The following GUCY1B1 variants were observed in gnomAD, a reference collection of about 807,000 sequenced individuals.
GUCY1B1 encodes guanylate cyclase 1 soluble subunit beta 1.
Under a neutral mutation model 71.0 loss-of-function variants are expected in GUCY1B1, and 43 were observed. The ratio of observed to expected loss-of-function variants is 0.61; its 90% CI spans 0.47 to 0.78. The LOEUF (loss-of-function observed/expected upper bound fraction) is 0.78, where lower values mean the gene tolerates loss of function less well. Ranked by LOEUF, GUCY1B1 falls within the 30% of genes least tolerant of loss-of-function variation. GUCY1B1 has a pLI of 0.00. For missense variants in GUCY1B1, 535 were observed against 754.1 expected (o/e 0.71, Z 3.40); for synonymous variants, 266 against 259.7 (o/e 1.02, Z -0.23).
chr4:155,779,383 C>T (rs114703730), intron 4 of GUCY1B1, among the ~76,000 whole-genome samples: 1,831 of 152,090 alleles, frequency 0.012, 35 homozygotes, highest in African/African-American at 0.041. Flanking sequence ...AAAGACAGTA[C>T]AAAAAGAATA....
rs776167443 is a variant in GUCY1B1 at position 155,803,644 on chromosome 4, G to A, written c.1434G>A (p.Lys478=). Residue 478 remains lysine (K), a synonymous_variant, in exon 11 of 14, where the codon AAG becomes AAA. Coordinates refer to ENST00000264424, the MANE Select transcript of GUCY1B1 (RefSeq NM_000857.5). ...GTTAGGTGGAGACTGTTGGTGACAA[G>A]TATATGACAGTGAGTGGTTTACCAG... ...FVYKVETVGD[K]YMTVSGLPEP... The A allele has an allele frequency of 6.2e-7, 1 of 1,602,536 alleles. No individual in the cohort carries two copies. The highest frequency in any genetic ancestry group is 2.3e-5 in the East Asian group (1 of 44,192).
chr4:155,795,607 AT>A, intron 7 of GUCY1B1, 150 bp downstream of exon 7: 1 of 531,490 alleles, frequency 1.9e-6, no homozygotes. Context: ...AATAACATTG[AT>A]TTTTGGTTTG....
At chr4:155,776,467 C>T (rs139048598) in intron 3 of GUCY1B1, among the ~76,000 whole-genome samples, 1,754 of 152,160 alleles carry the variant, frequency 0.012, 37 homozygotes, top group Admixed American at 0.038. Context: ...GCCAAGAGTT[C>T]GAGACCATCC....
Position 155,791,863 on chromosome 4 carries a change from A to G in GUCY1B1, c.495+1952A>G, listed in dbSNP as rs188802177. ...GTTTTATTTTTATTTAACCAGACTGAGAAAGAGGTAGGTTCGTAGAAACTT... is the reference window on the plus strand; with the variant it reads ...GTTTTATTTTTATTTAACCAGACTGGGAAAGAGGTAGGTTCGTAGAAACTT... On this transcript the variant is annotated intron_variant, in intron 5 of 13. Transcript: ENST00000264424. Among the ~76,000 whole-genome samples the G allele has an allele frequency of 4.0e-4, 61 of 152,190 alleles. 2 individuals are homozygous for G. In the East Asian group the frequency reaches 0.01, roughly 25 times the overall value.
intron 2 of GUCY1B1, among the ~76,000 whole-genome samples, chr4:155,770,822 A>G (rs1197805850): frequency 6.6e-6 from 1 of 152,102 alleles, no homozygotes; most frequent in Non-Finnish European, 1.5e-5. Flanking sequence ...TATTATCCTC[A>G]TATGTATACT....
chr4:155,782,599 C>A (rs1315403582), intron 4 of GUCY1B1, among the ~76,000 whole-genome samples: 2 of 152,202 alleles, frequency 1.3e-5, no homozygotes, highest in African/African-American at 4.8e-5. Context: ...ACAGTCTCTC[C>A]CATCTCACAT....
At chr4:155,767,219 T>G (rs994216911) in intron 2 of GUCY1B1, among the ~76,000 whole-genome samples, 3 of 152,238 alleles carry the variant, frequency 2.0e-5, no homozygotes, top group African/African-American at 4.8e-5. Context: ...GTATTAGTAC[T>G]GCCTGCTGCT....
intron 1 of GUCY1B1, 61 bp downstream of exon 1, chr4:155,759,204 A>G: frequency 1.3e-6 from 2 of 1,508,582 alleles, no homozygotes; most frequent in Admixed American, 2.0e-5. Flanking sequence ...CCTGGCAGCG[A>G]GGGAACTGGC....
rs1322980524 is a variant in GUCY1B1, at chr4:155,807,319, G to T, written c.*910G>T. ...CCCAGAAATGAGCTCCCTTTCCTTA[G>T]CTTAGAAGAATGTGATTATATCCAG... On this transcript the variant is annotated 3_prime_UTR_variant, in exon 14 of 14. Coordinates refer to ENST00000264424, the MANE Select transcript of GUCY1B1 (RefSeq NM_000857.5). 6.6e-6 allele frequency: 1 copy of T among 152,112 alleles called. No individual in the cohort carries two copies. Among genetic ancestry groups the T allele is most frequent in the Non-Finnish European group, 1.5e-5 (1 of 67,998 alleles). The allele number at this position is 152,112 out of a possible 1,614,324, so 9.4% of individuals were successfully genotyped here.
intron 8 of GUCY1B1, among the ~76,000 whole-genome samples, chr4:155,798,568 T>C (rs1210110806): frequency 1.3e-5 from 2 of 152,188 alleles, no homozygotes; most frequent in Admixed American, 6.5e-5. Flanking sequence ...TTTATAGGTA[T>C]GCTAATTTTT....
chr4:155,773,977 G>A (rs899002126), intron 2 of GUCY1B1, among the ~76,000 whole-genome samples: 3 of 152,082 alleles, frequency 2.0e-5, no homozygotes, highest in Admixed American at 6.5e-5. Flanking sequence ...ATGAGCCACC[G>A]CGCCCAGCCC....
At chr4:155,764,456 A>G (rs751537883) in intron 2 of GUCY1B1, among the ~76,000 whole-genome samples, 1 of 152,216 alleles carries the variant, frequency 6.6e-6, no homozygotes, top group Admixed American at 6.5e-5. Flanking sequence ...TAGGAAACTG[A>G]AAAGTCAGAA....
intron 13 of GUCY1B1, among the ~76,000 whole-genome samples, chr4:155,805,935 G>C (rs566654786): frequency 6.6e-6 from 1 of 152,250 alleles, no homozygotes; most frequent in South Asian, 2.1e-4. Flanking sequence ...CTAGCCTTTT[G>C]TAAGGAGTGG....
chr4:155,800,931 A>G (rs1389104756), intron 9 of GUCY1B1, among the ~76,000 whole-genome samples: 2 of 152,188 alleles, frequency 1.3e-5, no homozygotes, highest in African/African-American at 4.8e-5. Context: ...GGCTGTTTGT[A>G]TTAGAAAATC....
rs758811087 is a variant in GUCY1B1 at position 155,789,730 on chromosome 4, A to G, written c.314A>G (p.His105Arg). 6.2e-7 allele frequency: 1 copy of G among 1,602,760 alleles called. No homozygotes were observed. Among genetic ancestry groups the G allele is most frequent in the Non-Finnish European group, 8.5e-7 (1 of 1,172,478 alleles). The change falls in exon 5 of 14, where the codon CAC becomes CGC. Residue 105 changes from histidine to arginine, a missense_variant. Transcript: ENST00000264424. ...REFLQNLDALHDHLATIYPGM... is the reference protein window; with the variant it reads ...REFLQNLDALRDHLATIYPGM... The stretch of plus-strand genomic sequence containing the variant: ...TTGCTGCAGAACCTTGATGCTCTGC[A>G]CGACCACCTTGCTACCATCTACCCA...
At chr4:155,805,272 A>AT in intron 13 of GUCY1B1, 43 bp downstream of exon 13, 1 of 1,510,240 alleles carries the variant, frequency 6.6e-7, no homozygotes, top group Non-Finnish European at 9.0e-7. Context: ...AAGACAGAGT[A>AT]TAAGTATGGA....
At chr4:155,792,049 AT>A (rs1277762891) in intron 5 of GUCY1B1, among the ~76,000 whole-genome samples, 1 of 152,160 alleles carries the variant, frequency 6.6e-6, no homozygotes, top group Non-Finnish European at 1.5e-5. Context: ...TCTTCTGACC[AT>A]TTATTCAAGT....
At chr4:155,787,170 T>A (rs1445943161) in intron 4 of GUCY1B1, among the ~76,000 whole-genome samples, 1 of 152,166 alleles carries the variant, frequency 6.6e-6, no homozygotes, top group Non-Finnish European at 1.5e-5. Flanking sequence ...ATGAGAATGA[T>A]TCATCATTGG....
chr4:155,793,636 C>A (rs1314982779), intron 5 of GUCY1B1, among the ~76,000 whole-genome samples: 1 of 152,012 alleles, frequency 6.6e-6, no homozygotes, highest in African/African-American at 2.4e-5. Context: ...GAACTGATAC[C>A]AGATTTGTAA....
Sources: allele counts gnomAD v4.1 joint callset (sites outside exome capture counted in the v4.1 genomes callset), GRCh38; gene constraint gnomAD v4.1.1; transcripts MANE v1.5; gene names NCBI Gene and HGNC (gene_info 2026-07-23, HGNC 2026-07-21).